Variants in IGF1R observed in about 807,000 individuals in gnomAD.
The protein encoded by IGF1R is insulin-like growth factor 1 receptor.
Under a neutral mutation model 144.6 loss-of-function variants are expected in IGF1R, and 44 were observed. The ratio of observed to expected loss-of-function variants is 0.30; its 90% CI spans 0.24 to 0.39. The LOEUF (loss-of-function observed/expected upper bound fraction) is 0.39. Among genes scored for constraint, IGF1R ranks in the 10% least tolerant of loss-of-function variants. The pLI, the probability that IGF1R is intolerant of heterozygous loss-of-function variation, is 1.00. For synonymous variants in IGF1R, 795 were observed against 722.8 expected (o/e 1.10, Z -1.60); for missense variants, 1,355 against 1,833.7 (o/e 0.74, Z 4.77).
intron 1 of IGF1R, among the ~76,000 whole-genome samples, chr15:98,652,253 G>C (rs973101794): frequency 6.6e-6 from 1 of 152,212 alleles, no homozygotes; most frequent in Non-Finnish European, 1.5e-5. Flanking sequence ...GATAATCTGA[G>C]GGCTATTTTG....
At chr15:98,727,337 GA>G (rs938410289) in intron 2 of IGF1R, among the ~76,000 whole-genome samples, 9 of 152,192 alleles carry the variant, frequency 5.9e-5, no homozygotes, top group African/African-American at 2.2e-4. Flanking sequence ...GTTTTACCAT[GA>G]ATTAGGCTCT....
At chr15:98,918,445 G>A (rs747653213) in intron 10 of IGF1R, among the ~76,000 whole-genome samples, 1 of 152,090 alleles carries the variant, frequency 6.6e-6, no homozygotes, top group Non-Finnish European at 1.5e-5. Flanking sequence ...TTGCAAAATG[G>A]TTGAAATAGC....
chr15:98,856,902 C>T lies in IGF1R; in HGVS notation c.641-34423C>T, dbSNP rs534112457. 2.0e-5 allele frequency among the ~76,000 whole-genome samples: 3 copies of T among 152,326 alleles called. 1 individual carries two copies. The East Asian group carries it at 5.8e-4, about 29-fold the overall frequency. ...ATGAAGGAGAAACCCTTTGGTACTA[C>T]CTGCTACATGTTTTAATATTTAAAT... On this transcript the variant is annotated intron_variant, in intron 2 of 20. Transcript: ENST00000650285.
chr15:98,878,893 A>G (rs1596387836), intron 2 of IGF1R, among the ~76,000 whole-genome samples: 1 of 151,896 alleles, frequency 6.6e-6, no homozygotes, highest in African/African-American at 2.4e-5. Flanking sequence ...CTACTCGGGA[A>G]GCTGAGGCAG....
At chr15:98,915,824 T>C in intron 8 of IGF1R, 140 bp from the exon 9 acceptor site, 1 of 807,768 alleles carries the variant, frequency 1.2e-6, no homozygotes, top group African/African-American at 1.7e-5. Context: ...AGGTTCACTT[T>C]TCACTTTGTA....
chr15:98,955,650 T>G (rs8033670), intron 20 of IGF1R, among the ~76,000 whole-genome samples: 2 of 152,082 alleles, frequency 1.3e-5, no homozygotes, highest in East Asian at 3.9e-4. Flanking sequence ...AGGTTGCACC[T>G]TCTCCACCTG....
rs139029628 is a variant in IGF1R, at chr15:98,820,037, A to G, written c.641-71288A>G. Among the ~76,000 whole-genome samples, 41 of 152,290 alleles carry G rather than the reference A, an allele frequency of 2.7e-4. No homozygotes were observed. In the East Asian group the frequency reaches 6.4e-3, roughly 24 times the overall value. On this transcript the variant is annotated intron_variant, in intron 2 of 20. Transcript: ENST00000650285. ...ATAGACCCCCTGAAAAAGCTGCAGA[A>G]TCCTTACGCGTTCACAAACCACACT... is the stretch of plus-strand genomic sequence containing the variant.
intron 2 of IGF1R, among the ~76,000 whole-genome samples, chr15:98,885,977 T>A (rs752359239): frequency 5.9e-5 from 9 of 151,924 alleles, no homozygotes; most frequent in Non-Finnish European, 1.2e-4. Flanking sequence ...CCACCACACC[T>A]GGCTAATTTT....
At chr15:98,810,294 G>C (rs2056558235) in intron 2 of IGF1R, among the ~76,000 whole-genome samples, 1 of 152,118 alleles carries the variant, frequency 6.6e-6, no homozygotes, top group African/African-American at 2.4e-5. Context: ...CAGCCTGTTT[G>C]TCCAGTTACT....
chr15:98,717,780 C>T (rs1470235850), intron 2 of IGF1R, among the ~76,000 whole-genome samples: 3 of 152,124 alleles, frequency 2.0e-5, no homozygotes, highest in Non-Finnish European at 4.4e-5. Flanking sequence ...ATGCCTCTGT[C>T]TGTTTGCATG....
rs1251825993 is a variant in IGF1R, at chr15:98,959,281, CTATT to C, written c.*1842_*1845del. ...TTTGGATTACTATTTTTCTTAATGG[CTATT>C]TAATCCTTCCATCCCACGAAAAACA... is the stretch of plus-strand genomic sequence containing the variant. On this transcript the variant is annotated 3_prime_UTR_variant, in exon 21 of 21. Transcript: ENST00000650285. The C allele has an allele frequency of 4.3e-6, 1 of 233,456 alleles. No individual in the cohort carries two copies. Among genetic ancestry groups the C allele is most frequent in the African/African-American group, 2.2e-5 (1 of 45,342 alleles). The allele number at this position is 233,456 out of a possible 1,614,324, so 14.5% of individuals were successfully genotyped here.
chr15:98,714,229 C>T (rs527482250), intron 2 of IGF1R, among the ~76,000 whole-genome samples: 3 of 151,970 alleles, frequency 2.0e-5, no homozygotes, highest in South Asian at 4.2e-4. Context: ...CCTTGTTTGT[C>T]AGCCACTGCT....
Position 98,958,228 on chromosome 15 carries a change from G to C in IGF1R, c.*786G>C, listed in dbSNP as rs2017088871. 4.3e-6 allele frequency: 1 copy of C among 231,792 alleles called. No individual in the cohort carries two copies. Among genetic ancestry groups the C allele is most frequent in the African/African-American group, 2.2e-5 (1 of 45,192 alleles). The allele number at this position is 231,792 out of a possible 1,614,324, so 14.4% of individuals were successfully genotyped here. ...CTTCTGACTAGATTATTATTTGGGGGAACTGGACACAATAGGTCTTTCTCT... is the reference window on the plus strand; with the variant it reads ...CTTCTGACTAGATTATTATTTGGGGCAACTGGACACAATAGGTCTTTCTCT... On this transcript the variant is annotated 3_prime_UTR_variant, in exon 21 of 21. Transcript: ENST00000650285.
chr15:98,916,925 C>A, intron 10 of IGF1R, 49 bp downstream of exon 10: 2 of 1,527,662 alleles, frequency 1.3e-6, no homozygotes, highest in South Asian at 2.3e-5. Flanking sequence ...CTGCTCAGGC[C>A]GGTTCTGTTG....
Position 98,960,911 on chromosome 15 carries a change from C to CA in IGF1R, c.*3469_*3470insA, listed in dbSNP as rs2017200151. The CA allele has an allele frequency of 4.3e-6, 1 of 234,100 alleles. No individual in the cohort carries two copies. Among genetic ancestry groups the CA allele is most frequent in the East Asian group, 6.0e-5 (1 of 16,602 alleles). 14.5% of individuals were successfully genotyped at this position (234,100 alleles called of 1,614,324 possible). On this transcript the variant is annotated 3_prime_UTR_variant, in exon 21 of 21. Coordinates refer to ENST00000650285, the MANE Select transcript of IGF1R (RefSeq NM_000875.5). ...CCGAGGCTCGTGGCGTCACGCCCCC[C>CA]CCGCCAGGGCTGTACCTCCGTCTCC...
chr15:98,904,592 A>G (rs966507886), intron 5 of IGF1R, among the ~76,000 whole-genome samples: 28 of 152,052 alleles, frequency 1.8e-4, no homozygotes, highest in Middle Eastern at 3.2e-3. Flanking sequence ...CAGAAAGGCA[A>G]AAAAGGCCAA....
intron 1 of IGF1R, among the ~76,000 whole-genome samples, chr15:98,680,231 A>G (rs1436241250): frequency 6.6e-6 from 1 of 151,832 alleles, no homozygotes; most frequent in Non-Finnish European, 1.5e-5. Context: ...CAGTCCTGCA[A>G]GCTTTATTCG....
In IGF1R at chr15:98,866,016, T is replaced by C. The variant is rs149212599; in HGVS notation, c.641-25309T>C. On this transcript the variant is annotated intron_variant, in intron 2 of 20. Transcript: ENST00000650285. ...AGATACAACTTGCCCGTCACCCGGA[T>C]GGGTTGGTAGTGCACATATGCACGG... Among the ~76,000 whole-genome samples, 53 of 152,250 alleles carry C rather than the reference T, an allele frequency of 3.5e-4. No homozygotes were observed. In the East Asian group the frequency reaches 9.5e-3, roughly 27 times the overall value.
Position 98,650,354 on chromosome 15 carries a change from C to T in IGF1R, c.94+679C>T, listed in dbSNP as rs374628031. 1.8e-4 allele frequency among the ~76,000 whole-genome samples: 28 copies of T among 152,336 alleles called. No individual in the cohort carries two copies. In the East Asian group the frequency reaches 4.6e-3, roughly 25 times the overall value. The stretch of plus-strand genomic sequence containing the variant: ...CGCTCCTCGTTGGGTTACCTGCCCC[C>T]GGCGTCCCGGGGCTGGGCGGTGGGG... On this transcript the variant is annotated intron_variant, in intron 1 of 20. Coordinates refer to ENST00000650285, the MANE Select transcript of IGF1R (RefSeq NM_000875.5).
Sources: gnomAD v4.1 joint callset for allele counts (sites outside exome capture counted in the v4.1 genomes callset) on GRCh38, gnomAD v4.1.1 for gene constraint, MANE v1.5 for transcripts, NCBI Gene and HGNC (gene_info 2026-07-23, HGNC 2026-07-21) for gene names.